The following GSTA1 variants were observed in gnomAD, a reference collection of about 807,000 sequenced individuals.
GSTA1 encodes glutathione S-transferase alpha 1.
GSTA1 carries 23 observed loss-of-function variants against 21.5 expected under a neutral mutation model. The observed-to-expected ratio is 1.07, with a 90% confidence interval of 0.77 to 1.52. The LOEUF (loss-of-function observed/expected upper bound fraction) is 1.52. Ranked by LOEUF, GSTA1 falls within the 40% of genes most tolerant of loss-of-function variation. The pLI is 0.00. For synonymous variants in GSTA1, 125 were observed against 90.0 expected, an observed-to-expected ratio of 1.39 and a Z score of -2.20; for missense variants, 301 against 264.2, an observed-to-expected ratio of 1.14 and a Z score of -0.96.
At chr6:52,794,085 C>T in intron 5 of GSTA1, 40 bp downstream of exon 5, 2 of 1,612,210 alleles carry the variant, frequency 1.2e-6, no homozygotes, top group East Asian at 2.2e-5. Context: ...CTATTGGCCT[C>T]TAAACTCAGT....
chr6:52,793,623 A>G (rs1406094589), intron 5 of GSTA1, among the ~76,000 whole-genome samples: 2 of 152,084 alleles, frequency 1.3e-5, no homozygotes, highest in Non-Finnish European at 2.9e-5. Flanking sequence ...ACTTACTCTA[A>G]AATCCATTTT....
chr6:52,803,526 T>C (rs534333013), intron 1 of GSTA1, among the ~76,000 whole-genome samples: 10 of 152,294 alleles, frequency 6.6e-5, no homozygotes, highest in South Asian at 4.1e-4. Context: ...CTTTTTTCTC[T>C]TCATGTCATT....
chr6:52,796,509 GTGTGTGTGTGTGTGTGTGTGTA>G (rs1561912812), intron 3 of GSTA1, among the ~76,000 whole-genome samples, 195 bp from the exon 4 acceptor site: 11 of 7,356 alleles, frequency 1.5e-3, no homozygotes, highest in African/African-American at 4.6e-3. Context: ...GTGTGTGTGT[GTGTGTGTGTGTGTGTGTGTGTA>G]TATATATATA....
Position 52,797,553 on chromosome 6 carries a change from C to T in GSTA1, c.139+33G>A, listed in dbSNP as rs746956003. On this transcript the variant is annotated intron_variant, in intron 3 of 6. Coordinates refer to ENST00000334575, the MANE Select transcript of GSTA1 (RefSeq NM_145740.5). Reference sequence around the variant, plus strand: ...CTCCCCGTGTACCTTCTACTAGATACCCTCATCAGAGGAACTTAGAGATTG... The same window carrying T: ...CTCCCCGTGTACCTTCTACTAGATATCCTCATCAGAGGAACTTAGAGATTG... The T allele has an allele frequency of 1.5e-5, 24 of 1,552,858 alleles. No homozygotes were observed. The East Asian group carries it at 5.2e-4, about 33-fold the overall frequency.
In GSTA1 at chr6:52,803,814, G is replaced by C. The variant is rs1763773258; in HGVS notation, c.-60C>G. Reference sequence around the variant, plus strand: ...TTAAACGCTGTCACCGTCCTGGCTCGACAACTGAATTCCAGGTCCTAATGT... The same window carrying C: ...TTAAACGCTGTCACCGTCCTGGCTCCACAACTGAATTCCAGGTCCTAATGT... On this transcript the variant is annotated 5_prime_UTR_variant, in exon 1 of 7. Coordinates refer to ENST00000334575, the MANE Select transcript of GSTA1 (RefSeq NM_145740.5). 2 of 193,282 alleles carry C rather than the reference G, an allele frequency of 1.0e-5. No homozygotes were observed. Among genetic ancestry groups the C allele is most frequent in the South Asian group, 1.9e-4 (1 of 5,164 alleles). The allele number at this position is 193,282 out of a possible 1,614,324, so 12.0% of individuals were successfully genotyped here.
At chr6:52,797,556 T>A in intron 3 of GSTA1, 30 bp downstream of exon 3, 1 of 1,569,776 alleles carries the variant, frequency 6.4e-7, no homozygotes, top group Non-Finnish European at 8.8e-7. Context: ...CTAGATACCC[T>A]CATCAGAGGA....
intron 1 of GSTA1, among the ~76,000 whole-genome samples, chr6:52,800,209 A>C (rs1212275882): frequency 6.6e-6 from 1 of 152,232 alleles, no homozygotes; most frequent in African/African-American, 2.4e-5. Context: ...AAAATCACCT[A>C]AGATGAATGC....
At position 52,793,138 on chromosome 6, in the gene GSTA1, T is replaced by C. The variant is rs1474226938; in HGVS notation, c.415-151A>G. On this transcript the variant is annotated intron_variant, in intron 5 of 6. Transcript: ENST00000334575. ...CAGAGCTTTCTCCACATTATCTGAA[T>C]GAATGAGAGAGTAAGAACTGTAACT... is the stretch of plus-strand genomic sequence containing the variant. 10 of 1,107,908 alleles carry C rather than the reference T, an allele frequency of 9.0e-6. No individual in the cohort carries two copies. In the East Asian group the frequency reaches 2.4e-4, roughly 27 times the overall value. 68.6% of individuals were successfully genotyped at this position (1,107,908 alleles called of 1,614,324 possible).
Position 52,796,167 on chromosome 6 carries a change from G to A in GSTA1, c.272+15C>T, listed in dbSNP as rs762624509. ...TGTGTTCTCTGTGGATGGAAGAACA[G>A]AAAATATACCGTACAGGGCTCTCTC... On this transcript the variant is annotated intron_variant, in intron 4 of 6. Transcript: ENST00000334575. The A allele has an allele frequency of 1.1e-5, 18 of 1,612,602 alleles. No homozygotes were observed. The highest frequency in any genetic ancestry group is 1.4e-5 in the Non-Finnish European group (16 of 1,179,682).
At chr6:52,796,381 T>C in intron 3 of GSTA1, 67 bp from the exon 4 acceptor site, 2 of 1,600,466 alleles carry the variant, frequency 1.2e-6, no homozygotes, top group East Asian at 2.2e-5. Context: ...GATGAACAAA[T>C]GGTTGTGGAA....
At chr6:52,793,448 CTT>C (rs981366816) in intron 5 of GSTA1, among the ~76,000 whole-genome samples, 5 of 152,154 alleles carry the variant, frequency 3.3e-5, no homozygotes, top group Non-Finnish European at 7.4e-5. Flanking sequence ...CCTCATTTCT[CTT>C]TGTCTGCTCT....
At chr6:52,799,645 A>G (rs1242241095) in intron 1 of GSTA1, among the ~76,000 whole-genome samples, 3 of 152,242 alleles carry the variant, frequency 2.0e-5, no homozygotes, top group Non-Finnish European at 4.4e-5. Context: ...CCTCAATGCT[A>G]GTCCCTTTCA....
At position 52,791,908 on chromosome 6, in the gene GSTA1, G is replaced by GTCCC; in HGVS notation, c.618_619insGGGA (p.Pro207GlyfsTer5). 4 of 1,613,938 alleles carry GTCCC rather than the reference G, an allele frequency of 2.5e-6. No individual in the cohort carries two copies. The highest frequency in any genetic ancestry group is 2.5e-6 in the Non-Finnish European group (3 of 1,179,866). Reference sequence around the variant, plus strand: ...TCTTCTAAAGATTTCTCATCCATGGGAGGCTTCCTTGGGCTGCCAGGCTGT... The same window carrying GTCCC: ...TCTTCTAAAGATTTCTCATCCATGGGTCCCAGGCTTCCTTGGGCTGCCAGGCTGT... On this transcript the variant is annotated frameshift_variant, in exon 7 of 7. Transcript: ENST00000334575. LOFTEE classifies it low-confidence loss of function (END_TRUNC).
intron 5 of GSTA1, 144 bp from the exon 6 acceptor site, chr6:52,793,131 A>G: frequency 1.8e-6 from 2 of 1,136,382 alleles, no homozygotes; most frequent in Admixed American, 3.8e-5. Flanking sequence ...TCTCCACATT[A>G]TCTGAATGAA....
chr6:52,798,283 G>T (rs1363883931), intron 2 of GSTA1, among the ~76,000 whole-genome samples: 2 of 148,292 alleles, frequency 1.3e-5, no homozygotes, highest in African/African-American at 5.0e-5. Context: ...TGGTTTTGTG[G>T]CATTGGGGAA....
In GSTA1 at chr6:52,797,652, A is replaced by G. The variant is rs1232737308; in HGVS notation, c.88-15T>C. Reference sequence around the variant, plus strand: ...TTCTCTTCAAACTGGAAGCAGAAACAGTAAATACGTTCTTGTTAGTTCATT... The same window carrying G: ...TTCTCTTCAAACTGGAAGCAGAAACGGTAAATACGTTCTTGTTAGTTCATT... On this transcript the variant is annotated splice_polypyrimidine_tract_variant and intron_variant, in intron 2 of 6. Transcript: ENST00000334575. 1 of 1,598,070 alleles carries G rather than the reference A, an allele frequency of 6.3e-7. No individual in the cohort carries two copies.
At chr6:52,799,007 T>A (rs1407867826) in intron 2 of GSTA1, among the ~76,000 whole-genome samples, 174 bp downstream of exon 2, 1 of 152,238 alleles carries the variant, frequency 6.6e-6, no homozygotes, top group Non-Finnish European at 1.5e-5. Flanking sequence ...TGCTTTTAGA[T>A]GAGAAGAAAT....
At chr6:52,803,431 A>G (rs1309788894) in intron 1 of GSTA1, among the ~76,000 whole-genome samples, 3 of 152,212 alleles carry the variant, frequency 2.0e-5, no homozygotes, top group Admixed American at 6.5e-5. Flanking sequence ...TGTGTTGACT[A>G]CTTACACAGA....
At chr6:52,796,487 ATATG>A (rs1763588798) in intron 3 of GSTA1, among the ~76,000 whole-genome samples, 173 bp from the exon 4 acceptor site, 1 of 5,136 alleles carries the variant, frequency 1.9e-4, no homozygotes, top group African/African-American at 9.3e-4. Flanking sequence ...ATATATATAT[ATATG>A]TGTGTGTGTG....
Sources: allele counts gnomAD v4.1 joint callset (sites outside exome capture counted in the v4.1 genomes callset), GRCh38; gene constraint gnomAD v4.1.1; transcripts MANE v1.5; gene names NCBI Gene and HGNC (gene_info 2026-07-23, HGNC 2026-07-21).